Variants in ENTREP1 observed in about 807,000 individuals in gnomAD.
ENTREP1 encodes the protein endosomal transmembrane epsin interactor 1.
the ENTREP1 span, chr9:69,383,059 T>G: frequency 1.0e-6 from 1 of 984,850 alleles, no homozygotes; most frequent in Non-Finnish European, 1.2e-6. Flanking sequence ...TTGCTATTAT[T>G]TTGAATTTTG....
chr9:69,375,823 T>C, the ENTREP1 span: 5 of 1,614,190 alleles, frequency 3.1e-6, no homozygotes, highest in Non-Finnish European at 3.4e-6. Flanking sequence ...CTTGAAACTC[T>C]TTCCGGTTCA....
chr9:69,375,018 G>A, the ENTREP1 span, among the ~76,000 whole-genome samples: 17 of 152,302 alleles, frequency 1.1e-4, no homozygotes, highest in South Asian at 8.3e-4. Flanking sequence ...ATTGGTATTC[G>A]TGATCATTTG....
the ENTREP1 span, among the ~76,000 whole-genome samples, chr9:69,356,127 G>T: frequency 1.3e-5 from 2 of 152,056 alleles, no homozygotes; most frequent in Admixed American, 6.5e-5. Context: ...AAACAACAAC[G>T]CCCCATTTCC....
At chr9:69,331,026 T>C in the ENTREP1 span, among the ~76,000 whole-genome samples, 1 of 111,910 alleles carries the variant, frequency 8.9e-6, no homozygotes, top group African/African-American at 3.3e-5. Flanking sequence ...AATATTCAGT[T>C]GCCCACTTTC....
chr9:69,343,447 T>G, the ENTREP1 span, among the ~76,000 whole-genome samples: 1 of 152,086 alleles, frequency 6.6e-6, no homozygotes, highest in African/African-American at 2.4e-5. Context: ...GCTGGATGAT[T>G]GTTTTTTTTG....
At chr9:69,325,662 C>T in the ENTREP1 span, 9 of 1,231,352 alleles carry the variant, frequency 7.3e-6, no homozygotes, top group Admixed American at 4.2e-5. Context: ...AGCTTCGGGG[C>T]GCTGTCGCTG....
the ENTREP1 span, chr9:69,388,295 A>T: frequency 6.2e-7 from 1 of 1,614,198 alleles, no homozygotes; most frequent in African/African-American, 1.3e-5. Context: ...CAAATCCTAC[A>T]TGGACACCAA....
At chr9:69,378,862 C>G in the ENTREP1 span, among the ~76,000 whole-genome samples, 1 of 152,168 alleles carries the variant, frequency 6.6e-6, no homozygotes, top group Admixed American at 6.5e-5. Context: ...GCTTCCTCCT[C>G]TACCATTAAG....
the ENTREP1 span, among the ~76,000 whole-genome samples, chr9:69,351,663 C>T: frequency 4.9e-4 from 75 of 152,180 alleles, no homozygotes; most frequent in African/African-American, 1.3e-3. Flanking sequence ...GTCATCCATC[C>T]GCCTCGGCCG....
chr9:69,351,088 C>T, the ENTREP1 span, among the ~76,000 whole-genome samples: 1,683 of 152,290 alleles, frequency 0.011, 10 homozygotes, highest in Non-Finnish European at 0.018. Context: ...ACTCCAAAGC[C>T]ATGAACTGTA....
At chr9:69,340,800 CATGT>C in the ENTREP1 span, among the ~76,000 whole-genome samples, 1 of 51,522 alleles carries the variant, frequency 1.9e-5, no homozygotes, top group Non-Finnish European at 3.6e-5. Context: ...TGTGTGTGTG[CATGT>C]GTGTGTGTAT....
At chr9:69,367,091 ATTTTTTTTT>A in the ENTREP1 span, among the ~76,000 whole-genome samples, 1 of 105,744 alleles carries the variant, frequency 9.5e-6, no homozygotes, top group Admixed American at 9.8e-5. Flanking sequence ...TAATTAAACA[ATTTTTTTTT>A]TTTTTTTTTT....
At chr9:69,345,471 A>T in the ENTREP1 span, among the ~76,000 whole-genome samples, 10 of 152,312 alleles carry the variant, frequency 6.6e-5, no homozygotes, top group South Asian at 2.1e-3. Flanking sequence ...ATATATCTAA[A>T]TATATTATCT....
At chr9:69,327,075 A>T in the ENTREP1 span, among the ~76,000 whole-genome samples, 1 of 152,092 alleles carries the variant, frequency 6.6e-6, no homozygotes, top group East Asian at 1.9e-4. Flanking sequence ...TAAGAACATT[A>T]AGAACGTTAG....
the ENTREP1 span, chr9:69,375,743 T>C: frequency 6.2e-7 from 1 of 1,612,852 alleles, no homozygotes; most frequent in South Asian, 1.1e-5. Flanking sequence ...AAGGTGGACT[T>C]AGGTGAAGGC....
At chr9:69,367,618 C>A in the ENTREP1 span, among the ~76,000 whole-genome samples, 4 of 132,396 alleles carry the variant, frequency 3.0e-5, no homozygotes, top group African/African-American at 1.1e-4. Flanking sequence ...TATATATACA[C>A]ACATATATAT....
the ENTREP1 span, among the ~76,000 whole-genome samples, chr9:69,389,276 T>C: frequency 2.6e-5 from 4 of 152,208 alleles, no homozygotes; most frequent in Non-Finnish European, 4.4e-5. Flanking sequence ...AACAAATACT[T>C]CCTCAACTGA....
At chr9:69,347,794 C>T in the ENTREP1 span, among the ~76,000 whole-genome samples, 120 of 152,226 alleles carry the variant, frequency 7.9e-4, no homozygotes, top group Middle Eastern at 3.4e-3. Context: ...TTTCTGTTGA[C>T]CTCCCTAAGC....
chr9:69,370,157 A>T, the ENTREP1 span, among the ~76,000 whole-genome samples: 15 of 151,732 alleles, frequency 9.9e-5, no homozygotes, highest in Middle Eastern at 3.2e-3. Flanking sequence ...CATTATAACC[A>T]CACTTTTTTT....
Sources: allele counts gnomAD v4.1 joint callset (sites outside exome capture counted in the v4.1 genomes callset), GRCh38; gene constraint gnomAD v4.1.1; transcripts MANE v1.5; gene names NCBI Gene and HGNC (gene_info 2026-07-23, HGNC 2026-07-21).